CA10: variants seen among roughly 807,000 people sequenced by gnomAD.
CA10 encodes carbonic anhydrase-related protein 10.
In CA10, 14 loss-of-function variants were observed where a neutral mutation model predicts 44.2. That is an observed-to-expected ratio of 0.32 (90% CI 0.21 to 0.50). The LOEUF (loss-of-function observed/expected upper bound fraction) is 0.50, where lower values mean the gene tolerates loss of function less well. Among genes scored for constraint, CA10 ranks in the 20% least tolerant of loss-of-function variants. The probability of loss-of-function intolerance (pLI) is 0.99; values close to 1 mark genes in which losing one functional copy is unlikely to be tolerated. For missense variants in CA10, 350 were observed against 409.7 expected (o/e 0.85, Z 1.26); for synonymous variants, 159 against 141.6 (o/e 1.12, Z -0.87).
intron 3 of CA10, among the ~76,000 whole-genome samples, chr17:51,843,593 T>C (rs1375362848): frequency 6.6e-6 from 1 of 152,240 alleles, no homozygotes; most frequent in Non-Finnish European, 1.5e-5. Flanking sequence ...GTGCTCATCT[T>C]CAGTGAAGAA....
At chr17:51,730,083 C>T (rs530811498) in intron 4 of CA10, among the ~76,000 whole-genome samples, 1 of 152,212 alleles carries the variant, frequency 6.6e-6, no homozygotes, top group Non-Finnish European at 1.5e-5. Flanking sequence ...GCAGTGGCTC[C>T]AGTGTGGAGG....
intron 6 of CA10, among the ~76,000 whole-genome samples, chr17:51,639,329 TAGAA>T (rs1912978808): frequency 6.6e-6 from 1 of 151,962 alleles, no homozygotes; most frequent in Non-Finnish European, 1.5e-5. Flanking sequence ...AAGGGGGAAG[TAGAA>T]AGAGAGGCAT....
intron 2 of CA10, among the ~76,000 whole-genome samples, chr17:51,973,145 T>C (rs1170563991): frequency 6.6e-6 from 1 of 152,158 alleles, no homozygotes; most frequent in Admixed American, 6.5e-5. Context: ...AACAACTATA[T>C]GACTAGAAGT....
intron 3 of CA10, among the ~76,000 whole-genome samples, chr17:51,824,300 C>T (rs1039063562): frequency 1.3e-5 from 2 of 152,120 alleles, no homozygotes; most frequent in African/African-American, 4.8e-5. Flanking sequence ...CAGATGAGTT[C>T]AAAGATCTCA....
intron 4 of CA10, among the ~76,000 whole-genome samples, chr17:51,667,483 C>G (rs1211077544): frequency 6.6e-6 from 1 of 151,826 alleles, no homozygotes; most frequent in Non-Finnish European, 1.5e-5. Context: ...AGATGGAGGG[C>G]TGTGGCTAGG....
At chr17:51,842,028 G>A (rs192252210) in intron 3 of CA10, among the ~76,000 whole-genome samples, 7 of 152,292 alleles carry the variant, frequency 4.6e-5, no homozygotes, top group Non-Finnish European at 8.8e-5. Context: ...CAAGGTCTGT[G>A]TGCATAGCTC....
intron 2 of CA10, among the ~76,000 whole-genome samples, chr17:51,953,964 T>C (rs1311030905): frequency 6.6e-6 from 1 of 152,194 alleles, no homozygotes; most frequent in African/African-American, 2.4e-5. Flanking sequence ...CCAATTTTAA[T>C]AGTGATAAGT....
chr17:52,117,866 A>G (rs2143305405), intron 1 of CA10, among the ~76,000 whole-genome samples: 1 of 152,376 alleles, frequency 6.6e-6, no homozygotes, highest in Non-Finnish European at 1.5e-5. Context: ...ATAAAGCTAA[A>G]GGTTTAAACA....
intron 2 of CA10, among the ~76,000 whole-genome samples, chr17:52,069,162 C>G (rs1055507714): frequency 6.6e-6 from 1 of 152,194 alleles, no homozygotes; most frequent in African/African-American, 2.4e-5. Flanking sequence ...AAATGTTAAT[C>G]TGGTCTTAAA....
intron 3 of CA10, among the ~76,000 whole-genome samples, chr17:51,919,678 G>C (rs1250902384): frequency 1.3e-5 from 2 of 152,292 alleles, no homozygotes; most frequent in East Asian, 1.9e-4. Context: ...TTGAGATGGA[G>C]TCTCACTTTG....
chr17:51,985,299 T>C (rs191547671), intron 2 of CA10, among the ~76,000 whole-genome samples: 1 of 152,014 alleles, frequency 6.6e-6, no homozygotes, highest in Non-Finnish European at 1.5e-5. Context: ...GAAAAAGCAT[T>C]TGACAAAATC....
chr17:51,815,890 T>G (rs915633374), intron 3 of CA10, among the ~76,000 whole-genome samples: 2 of 152,084 alleles, frequency 1.3e-5, no homozygotes, highest in Non-Finnish European at 2.9e-5. Flanking sequence ...GAATGGCGTA[T>G]CCACCTCCTC....
chr17:51,688,574 C>T (rs1915084598), intron 4 of CA10, among the ~76,000 whole-genome samples: 1 of 152,186 alleles, frequency 6.6e-6, no homozygotes, highest in South Asian at 2.1e-4. Flanking sequence ...GTGTTTGGAA[C>T]TAATATTATT....
intron 4 of CA10, among the ~76,000 whole-genome samples, chr17:51,721,563 G>C (rs1916349802): frequency 6.6e-6 from 1 of 151,824 alleles, no homozygotes; most frequent in Middle Eastern, 3.2e-3. Context: ...TCGAACTCCT[G>C]AGCTCAAGTG....
At chr17:51,723,124 T>G (rs1916401647) in intron 4 of CA10, among the ~76,000 whole-genome samples, 1 of 152,216 alleles carries the variant, frequency 6.6e-6, no homozygotes, top group African/African-American at 2.4e-5. Context: ...TGCTGCCTGC[T>G]TCCCATGTGT....
intron 2 of CA10, among the ~76,000 whole-genome samples, chr17:52,025,962 T>C (rs1481353348): frequency 6.6e-6 from 1 of 151,958 alleles, no homozygotes; most frequent in Non-Finnish European, 1.5e-5. Context: ...TATATACACA[T>C]AGTATATATG....
At chr17:52,005,015 C>G (rs1489370146) in intron 2 of CA10, among the ~76,000 whole-genome samples, 1 of 151,754 alleles carries the variant, frequency 6.6e-6, no homozygotes, top group South Asian at 2.1e-4. Flanking sequence ...AGAAATAAGA[C>G]CCTCAAGTAC....
At chr17:51,632,980 A>AT (rs1597950794) in intron 8 of CA10, among the ~76,000 whole-genome samples, 1 of 152,130 alleles carries the variant, frequency 6.6e-6, no homozygotes, top group East Asian at 1.9e-4. Context: ...CCTTTAGAGT[A>AT]TTTGTTCATC....
chr17:52,115,226 T>C (rs1471547060), intron 1 of CA10, among the ~76,000 whole-genome samples: 1 of 152,156 alleles, frequency 6.6e-6, no homozygotes, highest in Admixed American at 6.5e-5. Context: ...TGCTGAGAGA[T>C]TTATTTTCGC....
Sources: allele counts gnomAD v4.1 joint callset (sites outside exome capture counted in the v4.1 genomes callset), GRCh38; gene constraint gnomAD v4.1.1; transcripts MANE v1.5; gene names NCBI Gene and HGNC (gene_info 2026-07-23, HGNC 2026-07-21).